Variants in SLCO1A2 observed in about 807,000 individuals in gnomAD.
SLCO1A2 encodes the protein solute carrier organic anion transporter family member 1A2.
In SLCO1A2, 67 loss-of-function variants were observed where a neutral mutation model predicts 69.0. That is an observed-to-expected ratio of 0.97 (90% CI 0.80 to 1.19). The LOEUF is 1.19. SLCO1A2 is among the 50% of genes most tolerant of loss of function. SLCO1A2 has a pLI of 0.00. For missense variants in SLCO1A2, 787 were observed against 793.7 expected, an observed-to-expected ratio of 0.99 and a Z score of 0.10; for synonymous variants, 260 against 265.9, an observed-to-expected ratio of 0.98 and a Z score of 0.22.
chr12:21,275,173 A>G (rs1943571523), intron 13 of SLCO1A2, 187 bp downstream of exon 13: 1 of 740,758 alleles, frequency 1.3e-6, no homozygotes, highest in Non-Finnish European at 1.8e-6. Context: ...GGGGGGAGGG[A>G]TAGCATTAGG....
intron 4 of SLCO1A2, among the ~76,000 whole-genome samples, chr12:21,311,995 G>A (rs1445732396): frequency 6.6e-6 from 1 of 150,914 alleles, no homozygotes; most frequent in African/African-American, 2.4e-5. Flanking sequence ...AGGAAGAGGA[G>A]GAGGAGGAGA....
At chr12:21,363,563 G>A (rs922819512) in intron 2 of SLCO1A2, among the ~76,000 whole-genome samples, 4 of 152,100 alleles carry the variant, frequency 2.6e-5, no homozygotes, top group African/African-American at 9.7e-5. Context: ...AACTGAAGTA[G>A]ATAGAGACAC....
upstream of SLCO1A2, chr12:21,418,133 G>T (rs778230074): frequency 2.0e-5 from 3 of 152,156 alleles, no homozygotes; most frequent in Non-Finnish European, 2.9e-5. Flanking sequence ...GCAACAAAGG[G>T]AAGCTAAACA....
At chr12:21,329,721 A>G (rs983854371) in intron 2 of SLCO1A2, among the ~76,000 whole-genome samples, 1 of 149,564 alleles carries the variant, frequency 6.7e-6, no homozygotes, top group Non-Finnish European at 1.5e-5. Flanking sequence ...TTTTATCTAT[A>G]TAATATTTTT....
At chr12:21,304,220 T>C (rs1949067653) in intron 6 of SLCO1A2, among the ~76,000 whole-genome samples, 1 of 152,166 alleles carries the variant, frequency 6.6e-6, no homozygotes, top group Non-Finnish European at 1.5e-5. Flanking sequence ...GTATTTCCAA[T>C]AGTAGAAAGT....
At chr12:21,386,761 C>T (rs1940902304) in intron 1 of SLCO1A2, among the ~76,000 whole-genome samples, 2 of 151,808 alleles carry the variant, frequency 1.3e-5, no homozygotes, top group Non-Finnish European at 2.9e-5. Flanking sequence ...TGTAAATATA[C>T]CTAAAAATGT....
intron 2 of SLCO1A2, 140 bp from the exon 3 acceptor site, chr12:21,319,063 G>A (rs1951248899): frequency 2.8e-6 from 2 of 716,266 alleles, no homozygotes; most frequent in South Asian, 2.0e-5. Flanking sequence ...ACTGTAAAGT[G>A]TAGTCTGCTC....
chr12:21,302,660 G>T (rs1388543326), intron 6 of SLCO1A2, among the ~76,000 whole-genome samples: 1 of 151,690 alleles, frequency 6.6e-6, no homozygotes, highest in Non-Finnish European at 1.5e-5. Context: ...GGGTTCAAGT[G>T]ATTCTCCTGT....
At position 21,267,014 on chromosome 12, in the gene SLCO1A2, G is replaced by A. The variant is rs11045917; in HGVS notation, c.*2534C>T. 15,812 of 151,926 alleles carry A rather than the reference G, an allele frequency of 0.1. 982 individuals carry two copies. Among genetic ancestry groups the A allele is most frequent in the Non-Finnish European group, 0.13 (9,003 of 67,936 alleles). 9.4% of individuals were successfully genotyped at this position (151,926 alleles called of 1,614,324 possible). A position where few individuals can be genotyped will look rare whatever the true frequency, so the allele number is the denominator to read the frequency against. ...TCTCTTGTTTCTCTTCTCCATGTCTGTCCGCTATGCCATTATCTCTACCCT... is the reference window on the plus strand; with the variant it reads ...TCTCTTGTTTCTCTTCTCCATGTCTATCCGCTATGCCATTATCTCTACCCT... On this transcript the variant is annotated 3_prime_UTR_variant, in exon 15 of 15. Coordinates refer to ENST00000683939, the MANE Select transcript of SLCO1A2 (RefSeq NM_001386879.1).
At chr12:21,282,185 C>G (rs955609497) in intron 12 of SLCO1A2, among the ~76,000 whole-genome samples, 2 of 148,642 alleles carry the variant, frequency 1.3e-5, no homozygotes, top group Admixed American at 6.7e-5. Flanking sequence ...AAATCCTCAA[C>G]AAAATACTAT....
intron 3 of SLCO1A2, among the ~76,000 whole-genome samples, chr12:21,318,205 G>A (rs55720923): frequency 0.091 from 13,718 of 150,752 alleles, 870 homozygotes; most frequent in Non-Finnish European, 0.13. Flanking sequence ...TGCAAGCTCC[G>A]CCTCTCGGGT....
At chr12:21,362,198 C>G (rs1220859049) in intron 2 of SLCO1A2, among the ~76,000 whole-genome samples, 2 of 152,132 alleles carry the variant, frequency 1.3e-5, no homozygotes, top group Admixed American at 1.3e-4. Flanking sequence ...GTGAGCGGGT[C>G]TCTCGGCAGA....
intron 1 of SLCO1A2, among the ~76,000 whole-genome samples, chr12:21,415,030 A>G (rs943190661): frequency 1.3e-5 from 2 of 151,936 alleles, no homozygotes; most frequent in African/African-American, 4.8e-5. Flanking sequence ...TTGATCTTTA[A>G]ATGTTCTTAT....
At chr12:21,405,488 G>C (rs370735265) in intron 1 of SLCO1A2, among the ~76,000 whole-genome samples, 15 of 152,118 alleles carry the variant, frequency 9.9e-5, no homozygotes, top group African/African-American at 3.6e-4. Context: ...TAAGCAAAAA[G>C]AACAAAGCTT....
At chr12:21,374,796 T>TTA (rs988855552) in intron 1 of SLCO1A2, among the ~76,000 whole-genome samples, 2 of 151,408 alleles carry the variant, frequency 1.3e-5, no homozygotes, top group Non-Finnish European at 2.9e-5. Context: ...CCCTCTCTTT[T>TTA]TTTTATTTTA....
upstream of SLCO1A2, among the ~76,000 whole-genome samples, chr12:21,396,587 G>A (rs1941469010): frequency 6.6e-6 from 1 of 151,832 alleles, no homozygotes; most frequent in Non-Finnish European, 1.5e-5. Flanking sequence ...CACCAAAGGT[G>A]AAATGAAGGA....
At chr12:21,319,478 C>A in intron 2 of SLCO1A2, 1 of 1,365,226 alleles carries the variant, frequency 7.3e-7, no homozygotes. Flanking sequence ...GTTATGTCCT[C>A]ATTCTTCCCA....
At chr12:21,391,521 T>C (rs1941151713) in intron 1 of SLCO1A2, among the ~76,000 whole-genome samples, 1 of 152,096 alleles carries the variant, frequency 6.6e-6, no homozygotes. Flanking sequence ...TACTCAAAAG[T>C]TGCGATAATG....
At chr12:21,368,282 G>A (rs185318843) in intron 2 of SLCO1A2, among the ~76,000 whole-genome samples, 19 of 152,134 alleles carry the variant, frequency 1.2e-4, no homozygotes, top group South Asian at 6.2e-4. Flanking sequence ...AGAAAGGAAC[G>A]TGTTAAATGA....
Sources: allele counts gnomAD v4.1 joint callset (sites outside exome capture counted in the v4.1 genomes callset), GRCh38; gene constraint gnomAD v4.1.1; transcripts MANE v1.5; gene names NCBI Gene and HGNC (gene_info 2026-07-23, HGNC 2026-07-21).